Variants in APC observed in about 807,000 individuals in gnomAD.
APC encodes the protein APC regulator of Wnt signaling pathway, also known as adenomatous polyposis coli protein.
In APC, 72 loss-of-function variants were observed where a neutral mutation model predicts 247.0. The observed-to-expected ratio is 0.29, with a 90% CI of 0.24 to 0.35. The LOEUF is 0.35. Ranked by LOEUF, APC falls within the 10% of genes least tolerant of loss-of-function variation. APC has a pLI of 1.00. For missense variants in APC, 3,400 were observed against 3,360.7 expected, an observed-to-expected ratio of 1.01 and a Z score of -0.29; for synonymous variants, 1,254 against 1,162.5, an observed-to-expected ratio of 1.08 and a Z score of -1.60.
At chr5:112,712,421 C>A (rs967770541) in intron 1 of APC, among the ~76,000 whole-genome samples, 1 of 152,158 alleles carries the variant, frequency 6.6e-6, no homozygotes, top group African/African-American at 2.4e-5. Context: ...GGGTTTCACT[C>A]TGCCACCCAG....
intron 4 of APC, among the ~76,000 whole-genome samples, chr5:112,774,521 TA>T (rs1312263323): frequency 6.9e-6 from 1 of 145,196 alleles, no homozygotes; most frequent in Admixed American, 7.5e-5. Flanking sequence ...AATGCAGTGG[TA>T]TGATCTCAGC....
intron 8 of APC, among the ~76,000 whole-genome samples, chr5:112,803,529 G>A (rs1329204898): frequency 6.6e-6 from 1 of 152,238 alleles, no homozygotes; most frequent in East Asian, 1.9e-4. Flanking sequence ...AAAATAAGAT[G>A]ATGATAAAAC....
At chr5:112,759,851 C>T (rs190767007) in intron 2 of APC, among the ~76,000 whole-genome samples, 44 of 151,986 alleles carry the variant, frequency 2.9e-4, no homozygotes, top group African/African-American at 9.9e-4. Context: ...TTTTTTGGAA[C>T]TGCTTTGCAA....
At chr5:112,820,404 C>G (rs1437912227) in intron 10 of APC, among the ~76,000 whole-genome samples, 1 of 152,048 alleles carries the variant, frequency 6.6e-6, no homozygotes, top group African/African-American at 2.4e-5. Flanking sequence ...AATGGCAGCA[C>G]TTTGGGAGGC....
intron 2 of APC, among the ~76,000 whole-genome samples, chr5:112,760,840 C>T (rs575638145): frequency 1.5e-4 from 22 of 151,212 alleles, no homozygotes; most frequent in Non-Finnish European, 2.9e-4. Flanking sequence ...GACAGAGTCT[C>T]GCTCTGTCGC....
At position 112,708,463 on chromosome 5, in the gene APC, T is replaced by C. The variant is rs188348323; in HGVS notation, c.165+581T>C. On this transcript the variant is annotated intron_variant, in intron 1 of 13. Transcript: ENST00000507379. ...AATGATTGTTCATCTAAATCATTCATTTTTTTCGGCTGTAGGAAATCTTTG... is the reference window on the plus strand; with the variant it reads ...AATGATTGTTCATCTAAATCATTCACTTTTTTCGGCTGTAGGAAATCTTTG... Among the ~76,000 whole-genome samples, 42 of 152,296 alleles carry C rather than the reference T, an allele frequency of 2.8e-4. No homozygotes were observed. In the East Asian group the frequency reaches 7.5e-3, roughly 27 times the overall value.
At chr5:112,770,038 T>C (rs1481955241) in intron 4 of APC, among the ~76,000 whole-genome samples, 1 of 152,224 alleles carries the variant, frequency 6.6e-6, no homozygotes, top group African/African-American at 2.4e-5. Flanking sequence ...TAACCTTTCC[T>C]TACTTGCTTT....
Position 112,842,096 on chromosome 5 carries a change from C to T in APC, c.6502C>T (p.Leu2168=), listed in dbSNP as rs767818933. The T allele has an allele frequency of 6.8e-6, 11 of 1,611,162 alleles. No homozygotes were observed. In the South Asian group the frequency reaches 1.2e-4, roughly 18 times the overall value. Residue 2168 remains leucine, a synonymous_variant, in exon 16 of 16, where the codon CTA becomes TTA. Coordinates refer to ENST00000257430, the MANE Select transcript of APC (RefSeq NM_000038.6). ...TACAAGTAATAAAGGCCCACGAATT[C>T]TAAAACCAGGGGAGAAAAGTACATT... ...PFTSNKGPRI[L]KPGEKSTLET... is the part of the protein sequence containing the mutation.
At chr5:112,728,596 A>G (rs75804159) in intron 1 of APC, among the ~76,000 whole-genome samples, 2,948 of 152,142 alleles carry the variant, frequency 0.019, 40 homozygotes, top group Middle Eastern at 0.037. Flanking sequence ...AGTTTTTTCT[A>G]AATCTTTTGT....
intron 1 of APC, among the ~76,000 whole-genome samples, chr5:112,744,712 T>C (rs145121849): frequency 1.3e-4 from 20 of 152,114 alleles, no homozygotes; most frequent in Non-Finnish European, 2.9e-4. Flanking sequence ...AGGTAAGAAA[T>C]AGTTTGTAGA....
intron 11 of APC, among the ~76,000 whole-genome samples, chr5:112,825,510 C>T (rs1362794761): frequency 6.6e-6 from 1 of 152,152 alleles, no homozygotes; most frequent in Non-Finnish European, 1.5e-5. Flanking sequence ...ATGCTGTTTC[C>T]TTTGCTTAGA....
At chr5:112,736,158 T>G (rs569383569), upstream of APC, among the ~76,000 whole-genome samples, 1 of 152,362 alleles carries the variant, frequency 6.6e-6, no homozygotes, top group South Asian at 2.1e-4. Context: ...TCATGTGCTT[T>G]CAGTAAGAGG....
At position 112,840,893 on chromosome 5, in the gene APC, G is replaced by A. The variant is rs1554086616; in HGVS notation, c.5299G>A (p.Gly1767Ser). Residue 1767 changes from glycine to serine, a missense_variant, in exon 16 of 16, where the codon GGT becomes AGT. By Grantham distance (56) the Gly-to-Ser change is moderately conservative. This residue lies in a region of APC where 1,788 missense variants were observed against 1,649.5 expected (regional missense o/e 1.08). Coordinates refer to ENST00000257430, the MANE Select transcript of APC (RefSeq NM_000038.6). This position sits in a 1 kb window ranked among gnomAD's most constrained non-coding sequence, Gnocchi z 4.1. ...SSAPNKNQLDGKKKKPTSPVK... is the reference protein window; with the variant it reads ...SSAPNKNQLDSKKKKPTSPVK... ...TGCACCCAACAAAAATCAGTTAGAT[G>A]GTAAGAAAAAGAAACCAACTTCACC... 6.2e-7 allele frequency: 1 copy of A among 1,613,630 alleles called. No individual in the cohort carries two copies. Among genetic ancestry groups the A allele is most frequent in the African/African-American group, 1.3e-5 (1 of 74,888 alleles).
intron 6 of APC, among the ~76,000 whole-genome samples, chr5:112,783,375 TATATG>T (rs1476354310): frequency 2.0e-5 from 3 of 152,218 alleles, no homozygotes; most frequent in Non-Finnish European, 2.9e-5. Context: ...TGGAAATAGT[TATATG>T]AAGGTTAAGG....
chr5:112,793,482 A>C (rs1263662325), intron 7 of APC, among the ~76,000 whole-genome samples: 2 of 98,250 alleles, frequency 2.0e-5, no homozygotes, highest in Non-Finnish European at 4.5e-5. Context: ...CAAGAAAAAA[A>C]ACTTAAAGAG....
At chr5:112,783,328 A>G (rs1329576658) in intron 6 of APC, among the ~76,000 whole-genome samples, 1 of 152,170 alleles carries the variant, frequency 6.6e-6, no homozygotes, top group African/African-American at 2.4e-5. Context: ...AGGAAATTTT[A>G]TTCTGTATTT....
intron 1 of APC, among the ~76,000 whole-genome samples, chr5:112,752,698 C>G (rs1055917939): frequency 1.2e-4 from 18 of 152,134 alleles, no homozygotes; most frequent in African/African-American, 4.3e-4. Context: ...TTTATGACTT[C>G]ACAAATTTTG....
At chr5:112,828,800 A>G (rs1763998170) in intron 13 of APC, 56 bp from the exon 14 acceptor site, 1 of 1,324,578 alleles carries the variant, frequency 7.5e-7, no homozygotes, top group African/African-American at 1.5e-5. Context: ...TTAAAAACAA[A>G]AAAGCAACTA....
At chr5:112,796,396 G>A (rs1760218283) in intron 7 of APC, among the ~76,000 whole-genome samples, 1 of 152,072 alleles carries the variant, frequency 6.6e-6, no homozygotes, top group African/African-American at 2.4e-5. Context: ...TCCATGTCTG[G>A]CTTTTTTAAT....
Sources: gnomAD v4.1 joint callset for allele counts (sites outside exome capture counted in the v4.1 genomes callset) on GRCh38, gnomAD v4.1.1 for gene constraint, gnomAD v4.1.1 regional missense constraint, Gnocchi (gnomAD v3.1) non-coding constraint, MANE v1.5 for transcripts, NCBI Gene and HGNC (gene_info 2026-07-23, HGNC 2026-07-21) for gene names.